The following UAP1 variants were observed in gnomAD, a reference collection of about 807,000 sequenced individuals.
UAP1 encodes UDP-N-acetylhexosamine pyrophosphorylase.
Under a neutral mutation model 58.5 loss-of-function variants are expected in UAP1, and 25 were observed. The ratio of observed to expected loss-of-function variants is 0.43; its 90% CI spans 0.31 to 0.60. The LOEUF is 0.60. Among genes scored for constraint, UAP1 ranks in the 20% least tolerant of loss-of-function variants. UAP1 has a pLI of 0.11. For missense variants in UAP1, 575 were observed against 630.0 expected (o/e 0.91, Z 0.93); for synonymous variants, 208 against 213.0 (o/e 0.98, Z 0.21).
intron 8 of UAP1, 138 bp downstream of exon 8, chr1:162,590,649 G>A (rs1446350767): frequency 1.9e-6 from 1 of 536,244 alleles, no homozygotes. Flanking sequence ...TTCCTGATGT[G>A]AAATAACAGT....
At chr1:162,599,155 A>G (rs565616317) in intron 10 of UAP1, 116 bp from the exon 11 acceptor site, 110 of 581,180 alleles carry the variant, frequency 1.9e-4, no homozygotes, top group South Asian at 1.7e-3. Context: ...TGACTTTTAT[A>G]TTCTGCATCT....
chr1:162,578,171 G>A (rs1262489757), intron 3 of UAP1, among the ~76,000 whole-genome samples: 2 of 152,078 alleles, frequency 1.3e-5, no homozygotes, highest in Non-Finnish European at 2.9e-5. Context: ...CTGTGTGTTT[G>A]AGGTCCCCCA....
chr1:162,565,174 C>T lies in UAP1; in HGVS notation c.-57-838C>T, dbSNP rs573459333. 3.3e-5 allele frequency among the ~76,000 whole-genome samples: 5 copies of T among 152,250 alleles called. No homozygotes were observed. In the East Asian group the frequency reaches 9.7e-4, roughly 29 times the overall value. The stretch of plus-strand genomic sequence containing the variant: ...AATCTTATCTATGTAGTCTGCCCAA[C>T]CCTTAACACATGGCTAGATTGTGCC... On this transcript the variant is annotated intron_variant, in intron 1 of 10. Coordinates refer to ENST00000271469, the Ensembl canonical transcript of UAP1.
chr1:162,595,911 G>A (rs151115982), intron 9 of UAP1, among the ~76,000 whole-genome samples: 6,754 of 152,164 alleles, frequency 0.044, 234 homozygotes, highest in Non-Finnish European at 0.064. Flanking sequence ...GAGTGCAGTG[G>A]AGCGATCTCA....
At chr1:162,585,563 A>G (rs997948344) in intron 5 of UAP1, among the ~76,000 whole-genome samples, 4 of 152,182 alleles carry the variant, frequency 2.6e-5, no homozygotes, top group East Asian at 1.9e-4. Flanking sequence ...CGCCCGTTCT[A>G]TACTTTATAT....
intron 2 of UAP1, among the ~76,000 whole-genome samples, chr1:162,568,111 A>AT (rs1653634279): frequency 6.6e-6 from 1 of 152,070 alleles, no homozygotes; most frequent in Non-Finnish European, 1.5e-5. Flanking sequence ...TTGTATATAT[A>AT]TTTGATTTCA....
intron 5 of UAP1, among the ~76,000 whole-genome samples, chr1:162,583,630 A>G (rs555575951): frequency 1.3e-5 from 2 of 151,496 alleles, no homozygotes; most frequent in African/African-American, 2.4e-5. Flanking sequence ...TTGTTTGTTT[A>G]TTTATTTATT....
chr1:162,600,898 C>T (rs1023910541), downstream of UAP1, among the ~76,000 whole-genome samples: 2 of 152,152 alleles, frequency 1.3e-5, no homozygotes, highest in Non-Finnish European at 2.9e-5. Flanking sequence ...AAAACTGATA[C>T]TAATGGTATG....
In UAP1 at chr1:162,590,460, C is replaced by T. The variant is rs200309830; in HGVS notation, c.1307C>T (p.Ala436Val). Residue 436 changes from alanine (A) to valine (V), a missense_variant, in exon 8 of 11, where the codon GCA becomes GTA. By Grantham distance (64) the Ala-to-Val change is moderately conservative. Coordinates refer to ENST00000271469, the Ensembl canonical transcript of UAP1. ...CTTCATCATTGCTGGGTCCTCAATGCAGGGGGCCATTTCATAGATGAAAAT... is the reference window on the plus strand; with the variant it reads ...CTTCATCATTGCTGGGTCCTCAATGTAGGGGGCCATTTCATAGATGAAAAT... 9.9e-6 allele frequency: 16 copies of T among 1,609,974 alleles called. No individual in the cohort carries two copies. In the East Asian group the frequency reaches 3.1e-4, roughly 32 times the overall value.
chr1:162,589,084 T>C (rs1336270297), intron 7 of UAP1, among the ~76,000 whole-genome samples: 2 of 129,402 alleles, frequency 1.5e-5, no homozygotes, highest in East Asian at 2.0e-4. Flanking sequence ...AAAGTTTTTT[T>C]CATATGTATA....
At chr1:162,563,729 A>T (rs1215425417) in intron 1 of UAP1, among the ~76,000 whole-genome samples, 1 of 152,196 alleles carries the variant, frequency 6.6e-6, no homozygotes, top group African/African-American at 2.4e-5. Context: ...GTATCTAATG[A>T]TCTTTTAGGA....
At chr1:162,576,969 G>A in exon 3 of UAP1, 1 of 1,614,000 alleles carries the variant, frequency 6.2e-7, no homozygotes, top group Non-Finnish European at 8.5e-7. Context: ...GGCAACAAAT[G>A]CATTATTCCA....
intron 3 of UAP1, among the ~76,000 whole-genome samples, chr1:162,578,914 T>G (rs1244564801): frequency 6.6e-6 from 1 of 152,120 alleles, no homozygotes; most frequent in East Asian, 1.9e-4. Context: ...TTAGAAATAA[T>G]TTTTTTCTTT....
At chr1:162,561,604 G>T (rs1653135095) in exon 1 of UAP1, 1 of 152,168 alleles carries the variant, frequency 6.6e-6, no homozygotes, top group African/African-American at 2.4e-5. Flanking sequence ...CACTAGTCGT[G>T]GCGAGAGGGG....
chr1:162,566,175 A>C, exon 2 of UAP1: 6 of 1,614,140 alleles, frequency 3.7e-6, no homozygotes, highest in Non-Finnish European at 3.4e-6. Flanking sequence ...CTTTATGCAG[A>C]GCTCCAGGCC....
chr1:162,592,838 A>G (rs1031912370), intron 9 of UAP1, 56 bp downstream of exon 9: 12 of 1,449,012 alleles, frequency 8.3e-6, no homozygotes, highest in African/African-American at 7.1e-5. Flanking sequence ...TTCCCTCCAT[A>G]CTAACTGGCA....
At position 162,582,595 on chromosome 1, in the gene UAP1, A is replaced by G. The variant is rs1654656265; in HGVS notation, c.834+1136A>G. On this transcript the variant is annotated intron_variant, in intron 5 of 10. Transcript: ENST00000271469. The stretch of plus-strand genomic sequence containing the variant: ...TACAAATATCAGTTTTAGGTGGATT[A>G]CACAGTTAAATATTTAAAAATGAAA... Among the ~76,000 whole-genome samples, 6 of 152,358 alleles carry G rather than the reference A, an allele frequency of 3.9e-5. No individual in the cohort carries two copies. The South Asian group carries it at 1.2e-3, about 32-fold the overall frequency.
At chr1:162,588,445 A>G (rs949471733) in intron 6 of UAP1, among the ~76,000 whole-genome samples, 7 of 152,164 alleles carry the variant, frequency 4.6e-5, no homozygotes, top group African/African-American at 1.7e-4. Context: ...GGCATTTGTA[A>G]TGAATACAGT....
At chr1:162,570,289 A>ACG (rs1422016817) in intron 2 of UAP1, among the ~76,000 whole-genome samples, 1 of 152,176 alleles carries the variant, frequency 6.6e-6, no homozygotes, top group Non-Finnish European at 1.5e-5. Flanking sequence ...ACACACACAC[A>ACG]TATGCATATA....
Sources: allele counts gnomAD v4.1 joint callset (sites outside exome capture counted in the v4.1 genomes callset), GRCh38; gene constraint gnomAD v4.1.1; transcripts MANE v1.5; gene names NCBI Gene and HGNC (gene_info 2026-07-23, HGNC 2026-07-21).